TAOK1: variants seen among roughly 807,000 people sequenced by gnomAD.
TAOK1 encodes the protein TAO kinase 1.
Under a neutral mutation model 138.3 loss-of-function variants are expected in TAOK1, and 21 were observed. The ratio of observed to expected loss-of-function variants is 0.15; its 90% confidence interval spans 0.11 to 0.22. The LOEUF (loss-of-function observed/expected upper bound fraction) is 0.22. TAOK1 is among the 10% of genes least tolerant of loss of function. The pLI, the probability that TAOK1 is intolerant of heterozygous loss-of-function variation, is 1.00. For synonymous variants in TAOK1, 361 were observed against 398.4 expected (o/e 0.91, Z 1.12); for missense variants, 651 against 1,227.7 (o/e 0.53, Z 7.02).
chr17:29,435,013 A>G (rs1379796761), intron 1 of TAOK1, among the ~76,000 whole-genome samples: 1 of 152,134 alleles, frequency 6.6e-6, no homozygotes, highest in Non-Finnish European at 1.5e-5. Context: ...TATGCTTGCT[A>G]GGATTTGGGT....
In TAOK1 at chr17:29,488,430, C is replaced by T. The variant is rs769261112; in HGVS notation, c.656-1234C>T. The stretch of plus-strand genomic sequence containing the variant: ...TACTAAACATATAAAATTAGCCAGG[C>T]GTGGCAGCGCACTCCTGTAATCCCA... On this transcript the variant is annotated intron_variant, in intron 8 of 19. Coordinates refer to ENST00000261716, the MANE Select transcript of TAOK1 (RefSeq NM_020791.4). Among the ~76,000 whole-genome samples, 5 of 136,814 alleles carry T rather than the reference C, an allele frequency of 3.7e-5. No homozygotes were observed. In the East Asian group the frequency reaches 7.8e-4, roughly 21 times the overall value. 89.8% of individuals were successfully genotyped at this position (136,814 alleles called of 152,430 possible). A position where few individuals can be genotyped will look rare whatever the true frequency, so the allele number is the denominator to read the frequency against.
At chr17:29,499,604 G>A (rs1302411768) in intron 12 of TAOK1, among the ~76,000 whole-genome samples, 20 of 140,512 alleles carry the variant, frequency 1.4e-4, no homozygotes, top group Admixed American at 9.9e-4. Context: ...TTGTTGCCCA[G>A]TCTGGAGTGC....
At chr17:29,516,519 T>TTTTTA (rs2031818567) in intron 15 of TAOK1, among the ~76,000 whole-genome samples, 1 of 150,008 alleles carries the variant, frequency 6.7e-6, no homozygotes, top group African/African-American at 2.5e-5. Context: ...TTTTTTTTTT[T>TTTTTA]GAGACTGAGT....
intron 1 of TAOK1, among the ~76,000 whole-genome samples, chr17:29,438,506 A>G (rs968569294): frequency 6.6e-6 from 1 of 152,172 alleles, no homozygotes; most frequent in Admixed American, 6.5e-5. Context: ...GTAACATGGC[A>G]AAACCTGTTG....
In TAOK1 at chr17:29,495,551, C is replaced by A; in HGVS notation, c.832-9C>A. 1 of 1,562,168 alleles carries A rather than the reference C, an allele frequency of 6.4e-7. No individual in the cohort carries two copies. Among genetic ancestry groups the A allele is most frequent in the South Asian group, 1.2e-5 (1 of 80,784 alleles). On this transcript the variant is annotated splice_polypyrimidine_tract_variant and intron_variant, in intron 10 of 19. Transcript: ENST00000261716. ...AAAAAATCAACCTTTTACCTTCTAC[C>A]CTATCTAGCACATATTTGTTCTTCG... is the stretch of plus-strand genomic sequence containing the variant.
chr17:29,465,556 A>G (rs139527901), intron 2 of TAOK1, among the ~76,000 whole-genome samples: 1,635 of 152,142 alleles, frequency 0.011, 35 homozygotes, highest in African/African-American at 0.037. Flanking sequence ...CCAGAGGTCT[A>G]CCAGTTTTAA....
At chr17:29,437,567 CATT>C (rs1183621562) in intron 1 of TAOK1, among the ~76,000 whole-genome samples, 2 of 151,982 alleles carry the variant, frequency 1.3e-5, no homozygotes, top group Non-Finnish European at 2.9e-5. Flanking sequence ...TGATTAAACT[CATT>C]AATCCATGTC....
At position 29,530,962 on chromosome 17, in the gene TAOK1, A is replaced by AT. The variant is rs66788063; in HGVS notation, c.2361+360dup. On this transcript the variant is annotated intron_variant, in intron 18 of 19. Transcript: ENST00000261716. ...TGGTTGTGTTTGAGTACAAGTACAA[A>AT]TTTTTTTTTTTTTTTTTGAGACGGA... Among the ~76,000 whole-genome samples, 43 of 96,174 alleles carry AT rather than the reference A, an allele frequency of 4.5e-4. 2 individuals carry two copies. Among genetic ancestry groups the AT allele is most frequent in the South Asian group, 4.4e-3 (13 of 2,968 alleles). The allele number at this position is 96,174 out of a possible 152,430, so 63.1% of individuals were successfully genotyped here.
chr17:29,511,387 C>G (rs1038321585), intron 15 of TAOK1: 1 of 152,494 alleles, frequency 6.6e-6, no homozygotes, highest in Non-Finnish European at 1.5e-5. Flanking sequence ...GCGCCCACCA[C>G]CACACCCGGC....
intron 2 of TAOK1, among the ~76,000 whole-genome samples, chr17:29,457,182 CTCT>C (rs1026681324): frequency 1.4e-5 from 2 of 145,616 alleles, no homozygotes; most frequent in African/African-American, 5.4e-5. Context: ...TCACTGCAAC[CTCT>C]GCCTCCTGGG....
rs534985505 is a variant in TAOK1 at position 29,420,487 on chromosome 17, TTTC to T, written c.-95+29469_-95+29471del. The stretch of plus-strand genomic sequence containing the variant: ...CCTTGCCAGTCTGAATGCCTTTTTT[TTTC>T]TTCTTGCCTTGTTGCACTGGCTAGC... On this transcript the variant is annotated intron_variant, in intron 1 of 19. Coordinates refer to ENST00000261716, the MANE Select transcript of TAOK1 (RefSeq NM_020791.4). Among the ~76,000 whole-genome samples, 26 of 152,322 alleles carry T rather than the reference TTTC, an allele frequency of 1.7e-4. No homozygotes were observed. In the Middle Eastern group the frequency reaches 0.01, roughly 60 times the overall value.
chr17:29,485,048 C>T (rs960164620), intron 8 of TAOK1, among the ~76,000 whole-genome samples: 1 of 152,106 alleles, frequency 6.6e-6, no homozygotes, highest in Non-Finnish European at 1.5e-5. Flanking sequence ...CATTATTGGT[C>T]TTGATAAACA....
At chr17:29,451,917 AAG>A (rs2030249025) in intron 2 of TAOK1, among the ~76,000 whole-genome samples, 1 of 152,078 alleles carries the variant, frequency 6.6e-6, no homozygotes, top group Admixed American at 6.6e-5. Flanking sequence ...AAAAATGAGA[AAG>A]AATATTATTT....
chr17:29,424,306 G>A (rs375248562), intron 1 of TAOK1, among the ~76,000 whole-genome samples: 1 of 151,446 alleles, frequency 6.6e-6, no homozygotes, highest in African/African-American at 2.4e-5. Flanking sequence ...GCATGGTGGC[G>A]GGTGCCTGTA....
At chr17:29,476,192 G>A (rs1019251552) in intron 4 of TAOK1, among the ~76,000 whole-genome samples, 3 of 152,168 alleles carry the variant, frequency 2.0e-5, no homozygotes, top group South Asian at 2.1e-4. Context: ...TTCCTTGGTC[G>A]AATAACACTA....
rs144301547 is a variant in TAOK1, at chr17:29,433,865, G to A, written c.-94-17590G>A. On this transcript the variant is annotated intron_variant, in intron 1 of 19. Transcript: ENST00000261716. Reference sequence around the variant, plus strand: ...TAGATTAAGGACACGGACGAAGACCGATCTTAACTGCTTCCTGCTGACAGG... The same window carrying A: ...TAGATTAAGGACACGGACGAAGACCAATCTTAACTGCTTCCTGCTGACAGG... Among the ~76,000 whole-genome samples the A allele has an allele frequency of 2.4e-3, 364 of 152,012 alleles. 2 individuals are homozygous for A. The highest frequency in any genetic ancestry group is 8.6e-3 in the African/African-American group (354 of 41,336).
At chr17:29,415,824 AGTG>A (rs1347358921) in intron 1 of TAOK1, among the ~76,000 whole-genome samples, 7 of 152,226 alleles carry the variant, frequency 4.6e-5, no homozygotes, top group Non-Finnish European at 8.8e-5. Flanking sequence ...TTTGAAAGCA[AGTG>A]TTTAAGAACC....
At chr17:29,412,661 A>G (rs1905175200) in intron 1 of TAOK1, among the ~76,000 whole-genome samples, 2 of 152,226 alleles carry the variant, frequency 1.3e-5, no homozygotes, top group Non-Finnish European at 2.9e-5. Context: ...TACAGTACTA[A>G]TTGTTGAATA....
rs1187461666 is a variant in TAOK1, at chr17:29,395,824, A to ATTTTTTTTTTTTTTT, written c.-95+4810_-95+4824dup. On this transcript the variant is annotated intron_variant, in intron 1 of 19. Transcript: ENST00000261716. ...AGGTACATGCCACCACGTCTGGCTA[A>ATTTTTTTTTTTTTTT]TTTTTTTTTTTTTTTTTTTTTTTTG... 2.6e-4 allele frequency among the ~76,000 whole-genome samples: 19 copies of ATTTTTTTTTTTTTTT among 72,102 alleles called. 2 individuals carry two copies. The highest frequency in any genetic ancestry group is 1.2e-3 in the African/African-American group (19 of 15,566). 47.3% of individuals were successfully genotyped at this position (72,102 alleles called of 152,430 possible). A position where few individuals can be genotyped will look rare whatever the true frequency, so the allele number is the denominator to read the frequency against.
Sources: gnomAD v4.1 joint callset for allele counts (sites outside exome capture counted in the v4.1 genomes callset) on GRCh38, gnomAD v4.1.1 for gene constraint, MANE v1.5 for transcripts, NCBI Gene and HGNC (gene_info 2026-07-23, HGNC 2026-07-21) for gene names.